Variants in PDE4B observed in about 807,000 individuals in gnomAD.
PDE4B encodes the protein phosphodiesterase 4B, also known as 3',5'-cyclic-AMP phosphodiesterase 4B.
A neutral mutation model predicts 82.2 loss-of-function variants in PDE4B; 20 were observed. The observed-to-expected ratio is 0.24, with a 90% CI of 0.17 to 0.35. PDE4B has a LOEUF of 0.35. PDE4B is among the 10% of genes least tolerant of loss of function. PDE4B has a pLI of 1.00. For missense variants in PDE4B, 655 were observed against 907.2 expected, an observed-to-expected ratio of 0.72 and a Z score of 3.57; for synonymous variants, 320 against 318.9, an observed-to-expected ratio of 1.00 and a Z score of -0.04.
At chr1:66,306,441 G>A (rs1318819387) in intron 7 of PDE4B, among the ~76,000 whole-genome samples, 1 of 152,052 alleles carries the variant, frequency 6.6e-6, no homozygotes, top group Non-Finnish European at 1.5e-5. Context: ...AAAGGAAAGA[G>A]GGCACTGAAT....
intron 1 of PDE4B, among the ~76,000 whole-genome samples, chr1:65,896,250 A>G (rs1646909580): frequency 6.6e-6 from 1 of 152,156 alleles, no homozygotes; most frequent in Non-Finnish European, 1.5e-5. Context: ...GCAAATGAGG[A>G]GCAAAGTCAT....
chr1:66,138,468 G>A (rs953682845), intron 3 of PDE4B, among the ~76,000 whole-genome samples: 1 of 152,140 alleles, frequency 6.6e-6, no homozygotes, highest in African/African-American at 2.4e-5. Context: ...GCAGTGAGCC[G>A]AGATCATGCC....
At chr1:65,974,717 T>C (rs1650320238) in intron 3 of PDE4B, among the ~76,000 whole-genome samples, 1 of 152,156 alleles carries the variant, frequency 6.6e-6, no homozygotes, top group South Asian at 2.1e-4. Context: ...TGGTTTAAAG[T>C]GTGTGGCACT....
At chr1:65,969,701 TGG>T (rs1650031126) in intron 3 of PDE4B, among the ~76,000 whole-genome samples, 1 of 152,144 alleles carries the variant, frequency 6.6e-6, no homozygotes, top group Non-Finnish European at 1.5e-5. Context: ...CTTTTGCCCA[TGG>T]ATATTAATGA....
chr1:66,228,469 A>C (rs970887456), intron 3 of PDE4B, among the ~76,000 whole-genome samples: 4 of 151,976 alleles, frequency 2.6e-5, no homozygotes, highest in African/African-American at 9.7e-5. Context: ...CTAAAAATAC[A>C]AAAAATTAGC....
intron 3 of PDE4B, among the ~76,000 whole-genome samples, chr1:66,147,687 G>A (rs13376572): frequency 0.01 from 1,524 of 152,274 alleles, 29 homozygotes; most frequent in African/African-American, 0.034. Context: ...CAGTAATAGG[G>A]TGCTTCCAGT....
chr1:66,225,239 T>C (rs1322086726), intron 3 of PDE4B, among the ~76,000 whole-genome samples: 2 of 152,180 alleles, frequency 1.3e-5, no homozygotes, highest in Non-Finnish European at 2.9e-5. Flanking sequence ...TTAAAAGTTG[T>C]TTTTATTTTC....
intron 3 of PDE4B, among the ~76,000 whole-genome samples, chr1:66,082,020 C>A (rs1211702304): frequency 1.3e-5 from 2 of 151,980 alleles, no homozygotes; most frequent in Admixed American, 6.6e-5. Context: ...ATATTTTATA[C>A]AGTCTTATAA....
chr1:66,106,445 G>A (rs1460217380), intron 3 of PDE4B, among the ~76,000 whole-genome samples: 1 of 151,966 alleles, frequency 6.6e-6, no homozygotes, highest in Non-Finnish European at 1.5e-5. Context: ...GGATGATGCT[G>A]GCCTCATAAA....
intron 1 of PDE4B, among the ~76,000 whole-genome samples, chr1:65,888,911 A>G (rs762371934): frequency 6.6e-6 from 1 of 152,114 alleles, no homozygotes; most frequent in Non-Finnish European, 1.5e-5. Context: ...GGGCAATTTG[A>G]CATTCTCATT....
chr1:66,354,638 G>A (rs1662091378), intron 8 of PDE4B: 2 of 1,382,542 alleles, frequency 1.4e-6, no homozygotes, highest in Middle Eastern at 2.6e-4. Context: ...TAAGCAGGGA[G>A]CATAGGCTTC....
intron 1 of PDE4B, among the ~76,000 whole-genome samples, chr1:65,898,158 C>T (rs1646931389): frequency 6.6e-6 from 1 of 151,880 alleles, no homozygotes; most frequent in Non-Finnish European, 1.5e-5. Context: ...CTCTTCATGT[C>T]CTTTGCCCAT....
intron 7 of PDE4B, among the ~76,000 whole-genome samples, chr1:66,275,282 G>A (rs1655798181): frequency 6.6e-6 from 1 of 152,126 alleles, no homozygotes; most frequent in Admixed American, 6.6e-5. Context: ...ACATGTTTCA[G>A]GGTTGGTACA....
In PDE4B at chr1:65,921,204, G is replaced by A. The variant is rs1569686952; in HGVS notation, c.281+2369G>A. ...GGGATGGTCTCGATCTCCTGACCTC[G>A]TGATCCGCCCGCCTCGGCCTCCCAA... On this transcript the variant is annotated intron_variant, in intron 3 of 16. Transcript: ENST00000341517. Among the ~76,000 whole-genome samples the A allele has an allele frequency of 2.6e-5, 4 of 151,668 alleles. No homozygotes were observed. The South Asian group carries it at 8.3e-4, about 32-fold the overall frequency.
intron 3 of PDE4B, among the ~76,000 whole-genome samples, chr1:65,989,735 T>C (rs1651143737): frequency 6.6e-6 from 1 of 152,152 alleles, no homozygotes. Context: ...TTGCCTTTTC[T>C]CCTGTTCTCC....
At chr1:65,876,009 C>A (rs1254209475) in intron 1 of PDE4B, among the ~76,000 whole-genome samples, 2 of 151,484 alleles carry the variant, frequency 1.3e-5, no homozygotes, top group Non-Finnish European at 2.9e-5. Flanking sequence ...GTACTCTCAT[C>A]TTCATTCAAT....
Position 65,995,960 on chromosome 1 carries a change from A to G in PDE4B, c.281+77125A>G, listed in dbSNP as rs1031985852. On this transcript the variant is annotated intron_variant, in intron 3 of 16. Transcript: ENST00000341517. ...TTTGTAGATTTCATATTTCAGTCAG[A>G]TGGATGTGTAGTTCTGGCTTTAAAA... Among the ~76,000 whole-genome samples, 3 of 152,206 alleles carry G rather than the reference A, an allele frequency of 2.0e-5. 1 individual carries two copies. Among genetic ancestry groups the G allele is most frequent in the Non-Finnish European group, 4.4e-5 (3 of 68,032 alleles).
intron 3 of PDE4B, among the ~76,000 whole-genome samples, chr1:66,040,380 G>T (rs545007243): frequency 6.6e-6 from 1 of 152,136 alleles, no homozygotes; most frequent in Non-Finnish European, 1.5e-5. Context: ...GAAGGGGGCT[G>T]GAGGCACAAA....
chr1:65,920,281 C>A (rs918364003), intron 3 of PDE4B, among the ~76,000 whole-genome samples: 2 of 152,198 alleles, frequency 1.3e-5, no homozygotes, highest in African/African-American at 4.8e-5. Flanking sequence ...CCCTACTACT[C>A]TCGCAGACTA....
Sources: allele counts gnomAD v4.1 joint callset (sites outside exome capture counted in the v4.1 genomes callset), GRCh38; gene constraint gnomAD v4.1.1; transcripts MANE v1.5; gene names NCBI Gene and HGNC (gene_info 2026-07-23, HGNC 2026-07-21).